Variants in SREK1 observed in about 807,000 individuals in gnomAD.
SREK1 encodes splicing regulatory glutamine/lysine-rich protein 1.
SREK1 carries 13 observed loss-of-function variants against 66.5 expected under a neutral mutation model. The ratio of observed to expected loss-of-function variants is 0.20; its 90% CI spans 0.13 to 0.31. The LOEUF (loss-of-function observed/expected upper bound fraction) is 0.31, where lower values mean the gene tolerates loss of function less well. SREK1 is among the 10% of genes least tolerant of loss of function. The pLI, the probability that SREK1 is intolerant of heterozygous loss-of-function variation, is 1.00. For synonymous variants in SREK1, 265 were observed against 263.5 expected (o/e 1.01, Z -0.05); for missense variants, 607 against 769.6 (o/e 0.79, Z 2.50).
In SREK1 at chr5:66,170,586, G is replaced by A; in HGVS notation, c.1123G>A (p.Asp375Asn). 6.3e-7 allele frequency: 1 copy of A among 1,588,258 alleles called. No homozygotes were observed. The highest frequency in any genetic ancestry group is 1.2e-5 in the South Asian group (1 of 84,902). Residue 375 changes from aspartate to asparagine, a missense_variant and splice_region_variant, in exon 9 of 12, where the codon GAC becomes AAC. By Grantham distance (23) the Asp-to-Asn change is conservative. This residue lies in a region of SREK1 where 318 missense variants were observed against 310.3 expected (regional missense o/e 1.02). Transcript: ENST00000334121. ...RKSRSRSHSR[D>N]KRKDTREKIK... Reference sequence around the variant, plus strand: ...ATTTATTTATTTTTGTTTTTAAAGGGACAAGAGAAAAGACACTCGAGAAAA... The same window carrying A: ...ATTTATTTATTTTTGTTTTTAAAGGAACAAGAGAAAAGACACTCGAGAAAA...
Position 66,144,409 on chromosome 5 carries a change from A to C in SREK1, c.33A>C (p.Leu11Phe), listed in dbSNP as rs1336110781. 1.3e-6 allele frequency: 2 copies of C among 1,550,808 alleles called. No homozygotes were observed. MNSGGGFGLG[L>F]GFGLTPTSVI... ...GCGGCGGCGGCTTCGGTTTGGGCTT[A>C]GGCTTCGGCCTCACCCCCACGTCGG... The change falls in exon 1 of 12, where the codon TTA (leucine) becomes TTC (phenylalanine). Residue 11 changes from leucine (L) to phenylalanine (F), a missense_variant. This residue lies in a region of SREK1 where 75 missense variants were observed against 72.9 expected (regional missense o/e 1.03). Transcript: ENST00000334121.
At chr5:66,164,411 C>G (rs538648259) in intron 6 of SREK1, 46 of 411,646 alleles carry the variant, frequency 1.1e-4, no homozygotes, top group South Asian at 9.7e-4. Context: ...CTAAAAACAT[C>G]TAGGTGGTTT....
At chr5:66,156,745 A>T (rs1169875282) in intron 2 of SREK1, 2 of 985,220 alleles carry the variant, frequency 2.0e-6, no homozygotes, top group East Asian at 2.3e-4. Context: ...TTATCATATA[A>T]CTTATTTCCT....
chr5:66,178,600 T>C, intron 11 of SREK1, 119 bp from the exon 12 acceptor site: 1 of 933,028 alleles, frequency 1.1e-6, no homozygotes, highest in East Asian at 2.5e-5. Context: ...GAAAACGTAA[T>C]GAGAGAAAAT....
chr5:66,163,683 T>C, intron 5 of SREK1, 109 bp from the exon 6 acceptor site: 1 of 1,145,588 alleles, frequency 8.7e-7, no homozygotes, highest in Non-Finnish European at 1.2e-6. Context: ...CATTCTTACG[T>C]GCTTCTGAGA....
intron 7 of SREK1, chr5:66,168,895 GT>G (rs1236373208): frequency 6.6e-6 from 1 of 152,158 alleles, no homozygotes; most frequent in Non-Finnish European, 1.5e-5. Context: ...ATACTACGCA[GT>G]TTTACATACA....
Position 66,183,572 on chromosome 5 carries a change from A to T in SREK1, c.*4704A>T, listed in dbSNP as rs1007592628. The T allele has an allele frequency of 6.6e-6, 1 of 152,206 alleles. No individual in the cohort carries two copies. Among genetic ancestry groups the T allele is most frequent in the African/African-American group, 2.4e-5 (1 of 41,458 alleles). 9.4% of individuals were successfully genotyped at this position (152,206 alleles called of 1,614,324 possible). A position where few individuals can be genotyped will look rare whatever the true frequency, so the allele number is the denominator to read the frequency against. ...TAAAGATTTATCAAACAATGCTGCT[A>T]TTATGTTGCTATATTTTTAATAAAA... On this transcript the variant is annotated 3_prime_UTR_variant, in exon 12 of 12. Coordinates refer to ENST00000334121, the MANE Select transcript of SREK1 (RefSeq NM_001077199.3).
rs1409963626 is a variant in SREK1 at position 66,182,151 on chromosome 5, CT to C, written c.*3286del. ...TTGAATTAACAATTAAAATGAATCC[CT>C]TTGGAGGGATGGCATTGAATAACTT... On this transcript the variant is annotated 3_prime_UTR_variant, in exon 12 of 12. Transcript: ENST00000334121. The C allele has an allele frequency of 1.9e-3, 288 of 151,532 alleles. No homozygotes were observed. The highest frequency in any genetic ancestry group is 6.4e-3 in the African/African-American group (264 of 41,294). The allele number at this position is 151,532 out of a possible 1,614,324, so 9.4% of individuals were successfully genotyped here.
At chr5:66,170,523 A>C in intron 8 of SREK1, 62 bp from the exon 9 acceptor site, 1 of 1,520,706 alleles carries the variant, frequency 6.6e-7, no homozygotes, top group Non-Finnish European at 8.8e-7. Flanking sequence ...GAAGAGAGAG[A>C]GGTCTTTTTG....
At chr5:66,163,315 C>T (rs958006794) in intron 5 of SREK1, 2 of 152,936 alleles carry the variant, frequency 1.3e-5, no homozygotes, top group African/African-American at 4.8e-5. Flanking sequence ...AGAATTTTTT[C>T]AGATGCCTTG....
chr5:66,164,960 TTA>T, intron 7 of SREK1, 63 bp downstream of exon 7: 1 of 1,469,084 alleles, frequency 6.8e-7, no homozygotes, highest in Non-Finnish European at 9.2e-7. Context: ...TATTAAGATT[TTA>T]TGAGTTTTCG....
At chr5:66,155,267 T>C (rs1744190740) in intron 2 of SREK1, among the ~76,000 whole-genome samples, 1 of 152,200 alleles carries the variant, frequency 6.6e-6, no homozygotes, top group African/African-American at 2.4e-5. Flanking sequence ...AGTTTTACTG[T>C]TTTTGAACAG....
rs200281704 is a variant in SREK1, at chr5:66,153,517, A to G, written c.216A>G (p.Pro72=). The change falls in exon 2 of 12, where the codon CCA becomes CCG. Residue 72 remains proline, a synonymous_variant. Transcript: ENST00000334121. ...SKVCYVKFRD[P]SSVGVAQHLT... is the part of the protein sequence containing the mutation. ...TATGTTATGTTAAGTTTCGTGATCC[A>G]TCAAGTGTTGGCGTGGCCCAGCATC... 5.6e-6 allele frequency: 9 copies of G among 1,614,078 alleles called. No individual in the cohort carries two copies. The African/African-American group carries it at 1.2e-4, about 22-fold the overall frequency.
At chr5:66,157,437 G>A in intron 2 of SREK1, 6 of 985,148 alleles carry the variant, frequency 6.1e-6, no homozygotes, top group Non-Finnish European at 7.2e-6. Flanking sequence ...ATACATTAAG[G>A]TAGTGACGAT....
chr5:66,151,533 T>TTAC (rs1280834627), intron 1 of SREK1, among the ~76,000 whole-genome samples: 1 of 152,148 alleles, frequency 6.6e-6, no homozygotes. Flanking sequence ...AGGGCAAGAC[T>TTAC]GGTAAGGAAG....
Position 66,180,475 on chromosome 5 carries a change from A to G in SREK1, c.*1607A>G, listed in dbSNP as rs1252389867. ...TGGTTTCAACTTGAGTTTTCTTTTA[A>G]TGTTAATAAGATTGAAACTTTAGTA... On this transcript the variant is annotated 3_prime_UTR_variant, in exon 12 of 12. Transcript: ENST00000334121. 1 of 152,550 alleles carries G rather than the reference A, an allele frequency of 6.6e-6. No homozygotes were observed. Among genetic ancestry groups the G allele is most frequent in the African/African-American group, 2.4e-5 (1 of 41,424 alleles). The allele number at this position is 152,550 out of a possible 1,614,324, so 9.4% of individuals were successfully genotyped here.
At chr5:66,150,851 T>C (rs1012051268) in intron 1 of SREK1, among the ~76,000 whole-genome samples, 7 of 152,278 alleles carry the variant, frequency 4.6e-5, no homozygotes, top group South Asian at 2.1e-4. Context: ...ATTTTTTTTT[T>C]CTTTTTTGAG....
At chr5:66,174,171 A>G (rs1193867229) in intron 9 of SREK1, among the ~76,000 whole-genome samples, 1 of 152,186 alleles carries the variant, frequency 6.6e-6, no homozygotes, top group Non-Finnish European at 1.5e-5. Context: ...CTTAAATTAT[A>G]GACCTAGTGA....
At position 66,144,344 on chromosome 5, in the gene SREK1, G is replaced by T; in HGVS notation, c.-33G>T. 1.3e-6 allele frequency: 2 copies of T among 1,496,792 alleles called. No individual in the cohort carries two copies. The highest frequency in any genetic ancestry group is 9.0e-7 in the Non-Finnish European group (1 of 1,105,064). The allele number at this position is 1,496,792 out of a possible 1,614,324, so 92.7% of individuals were successfully genotyped here. On this transcript the variant is annotated 5_prime_UTR_variant, in exon 1 of 12. Coordinates refer to ENST00000334121, the MANE Select transcript of SREK1 (RefSeq NM_001077199.3). The stretch of plus-strand genomic sequence containing the variant: ...CCGTCGCTGACGCGTCGTAGACGTT[G>T]GGGAGCGGGAAGGCAACGGCAGCGG...
Sources: gnomAD v4.1 joint callset for allele counts (sites outside exome capture counted in the v4.1 genomes callset) on GRCh38, gnomAD v4.1.1 for gene constraint, gnomAD v4.1.1 regional missense constraint, MANE v1.5 for transcripts, NCBI Gene and HGNC (gene_info 2026-07-23, HGNC 2026-07-21) for gene names.